The following POLA1 variants were observed in gnomAD, a reference collection of about 807,000 sequenced individuals.
The protein encoded by POLA1 is DNA polymerase alpha 1, catalytic subunit, also known as DNA polymerase alpha catalytic subunit.
Under a neutral mutation model 124.0 loss-of-function variants are expected in POLA1, and 15 were observed. The ratio of observed to expected loss-of-function variants is 0.12; its 90% CI spans 0.08 to 0.19. POLA1 has a LOEUF of 0.19. POLA1 is among the 10% of genes least tolerant of loss of function. The pLI is 1.00. For synonymous variants in POLA1, 408 were observed against 389.4 expected (o/e 1.05, Z -0.56); for missense variants, 886 against 1,103.4 (o/e 0.80, Z 2.79).
At chrX:24,957,548 T>C (rs906118068) in intron 36 of POLA1, among the ~76,000 whole-genome samples, 1 of 111,784 alleles carries the variant, frequency 8.9e-6, no homozygotes, top group Non-Finnish European at 1.9e-5. Flanking sequence ...ATCCGCACTG[T>C]CTATAATAGT....
At chrX:24,837,565 G>A (rs751740011) in intron 32 of POLA1, among the ~76,000 whole-genome samples, 323 of 112,046 alleles carry the variant, frequency 2.9e-3, no homozygotes, top group African/African-American at 0.01. Flanking sequence ...TGAGCATTCT[G>A]TGGATATAGC....
At chrX:24,934,283 T>TAA (rs757699960) in intron 36 of POLA1, among the ~76,000 whole-genome samples, 1 of 112,378 alleles carries the variant, frequency 8.9e-6, no homozygotes, top group African/African-American at 3.2e-5. Flanking sequence ...AATTTGTTTA[T>TAA]ATATAGTTCC....
chrX:24,898,221 G>C (rs1160864103), intron 35 of POLA1, among the ~76,000 whole-genome samples: 1 of 112,223 alleles, frequency 8.9e-6, no homozygotes, highest in African/African-American at 3.2e-5. Flanking sequence ...ATCTCTATTT[G>C]ATACATTATA....
At chrX:24,740,061 G>C (rs1285500283) in intron 20 of POLA1, among the ~76,000 whole-genome samples, 1 of 111,070 alleles carries the variant, frequency 9.0e-6, no homozygotes, top group African/African-American at 3.3e-5. Context: ...CTTCAGGTTA[G>C]ACCTCCCTAA....
intron 26 of POLA1, among the ~76,000 whole-genome samples, chrX:24,774,819 T>C (rs2045103977): frequency 2.7e-5 from 3 of 112,624 alleles, no homozygotes; most frequent in African/African-American, 6.5e-5. Context: ...TGTGCTGCTC[T>C]CCCCATTTAT....
intron 26 of POLA1, among the ~76,000 whole-genome samples, chrX:24,777,542 T>C: frequency 8.9e-6 from 1 of 112,665 alleles, no homozygotes; most frequent in East Asian, 2.8e-4. Flanking sequence ...AAACACATAA[T>C]GGAAAATTTA....
chrX:24,696,838 G>A (rs1400764690), intron 1 of POLA1, among the ~76,000 whole-genome samples: 1 of 111,674 alleles, frequency 9.0e-6, no homozygotes, highest in Non-Finnish European at 1.9e-5. Context: ...CTCCCTTGTC[G>A]AATTTACCTT....
At chrX:24,897,051 A>G (rs1372004454) in intron 35 of POLA1, among the ~76,000 whole-genome samples, 1 of 111,656 alleles carries the variant, frequency 9.0e-6, no homozygotes, top group Non-Finnish European at 1.9e-5. Flanking sequence ...CAGAAACAGA[A>G]GATAGTATAA....
rs767661466 is a variant in POLA1 at position 24,867,848 on chromosome X, A to G, written c.4048-20158A>G. On this transcript the variant is annotated intron_variant, in intron 34 of 36. Transcript: ENST00000379068. ...GGAGAACTTTTCACCTGCCTCGTGT[A>G]GGGAAAAATCTAAACAATTACATGA... is the stretch of plus-strand genomic sequence containing the variant. Among the ~76,000 whole-genome samples the G allele has an allele frequency of 2.7e-5, 3 of 112,033 alleles. No individual in the cohort carries two copies. The South Asian group carries it at 1.1e-3, about 42-fold the overall frequency.
chrX:24,939,087 C>T (rs1232686339), intron 36 of POLA1, among the ~76,000 whole-genome samples: 2 of 111,918 alleles, frequency 1.8e-5, no homozygotes, highest in East Asian at 2.8e-4. Context: ...AAAATCATTT[C>T]GCATTATGTC....
intron 34 of POLA1, among the ~76,000 whole-genome samples, chrX:24,869,283 G>A (rs1450183463): frequency 3.6e-5 from 4 of 112,394 alleles, no homozygotes; most frequent in Non-Finnish European, 7.5e-5. Flanking sequence ...TGGGACACTG[G>A]TCTTACATGT....
At chrX:24,781,937 A>G (rs907812194) in intron 26 of POLA1, among the ~76,000 whole-genome samples, 3 of 111,911 alleles carry the variant, frequency 2.7e-5, no homozygotes, top group African/African-American at 9.7e-5. Flanking sequence ...GCTAGAAGTC[A>G]TCTTAGGTCT....
chrX:24,770,402 AGAATATCTCTTACTGT>A (rs1012083144), intron 26 of POLA1, among the ~76,000 whole-genome samples: 2 of 112,041 alleles, frequency 1.8e-5, no homozygotes, highest in Admixed American at 1.9e-4. Flanking sequence ...CCATGCCCAC[AGAATATCTCTTACTGT>A]GAGATCCATT....
chrX:24,966,009 G>A (rs953692098), intron 36 of POLA1, among the ~76,000 whole-genome samples: 4 of 111,679 alleles, frequency 3.6e-5, no homozygotes, highest in South Asian at 7.5e-4. Context: ...AAGTAGCTTC[G>A]TAAGATGACA....
chrX:24,750,037 A>G (rs898363949), intron 26 of POLA1, among the ~76,000 whole-genome samples: 1 of 112,087 alleles, frequency 8.9e-6, no homozygotes, highest in Non-Finnish European at 1.9e-5. Flanking sequence ...AGTGGTTGGC[A>G]AATGATGGCC....
At chrX:24,913,980 A>T (rs1168401518) in intron 35 of POLA1, among the ~76,000 whole-genome samples, 1 of 110,744 alleles carries the variant, frequency 9.0e-6, no homozygotes, top group Non-Finnish European at 1.9e-5. Context: ...GTGAGCCAAG[A>T]TCGTACCATT....
At chrX:24,864,812 T>C (rs1393664364) in intron 34 of POLA1, among the ~76,000 whole-genome samples, 2 of 111,358 alleles carry the variant, frequency 1.8e-5, no homozygotes, top group African/African-American at 6.5e-5. Flanking sequence ...TCTCTTATAG[T>C]CGTTCTTTTA....
At chrX:24,842,352 A>G (rs1016437293) in intron 33 of POLA1, among the ~76,000 whole-genome samples, 2 of 111,774 alleles carry the variant, frequency 1.8e-5, no homozygotes, top group Non-Finnish European at 3.8e-5. Flanking sequence ...ATTCCTTTCA[A>G]GAAGTACTGC....
chrX:24,769,394 C>A (rs1333698450), intron 26 of POLA1, among the ~76,000 whole-genome samples: 1 of 111,344 alleles, frequency 9.0e-6, no homozygotes, highest in Non-Finnish European at 1.9e-5. Context: ...GTGCTGAATT[C>A]TCATGTGATG....
Sources: allele counts gnomAD v4.1 joint callset (sites outside exome capture counted in the v4.1 genomes callset), GRCh38; gene constraint gnomAD v4.1.1; transcripts MANE v1.5; gene names NCBI Gene and HGNC (gene_info 2026-07-23, HGNC 2026-07-21).